Variants in ADCY9 observed in about 807,000 individuals in gnomAD.
ADCY9 encodes adenylate cyclase type 9.
Under a neutral mutation model 101.5 loss-of-function variants are expected in ADCY9, and 50 were observed. The observed-to-expected ratio is 0.49, with a 90% confidence interval of 0.39 to 0.62. The LOEUF (loss-of-function observed/expected upper bound fraction) is 0.62. Ranked by LOEUF, ADCY9 falls within the 20% of genes least tolerant of loss-of-function variation. The pLI is 0.00. For missense variants in ADCY9, 1,662 were observed against 1,800.4 expected, an observed-to-expected ratio of 0.92 and a Z score of 1.39; for synonymous variants, 905 against 769.3, an observed-to-expected ratio of 1.18 and a Z score of -2.92.
At chr16:4,011,683 T>A (rs966665371) in intron 2 of ADCY9, among the ~76,000 whole-genome samples, 1 of 152,066 alleles carries the variant, frequency 6.6e-6, no homozygotes, top group Non-Finnish European at 1.5e-5. Context: ...AGTTTCCTCA[T>A]CTCTAAGGGG....
intron 6 of ADCY9, among the ~76,000 whole-genome samples, chr16:3,987,443 G>A (rs550437994): frequency 1.3e-5 from 2 of 152,318 alleles, no homozygotes; most frequent in East Asian, 3.9e-4. Flanking sequence ...GTCCGACCCC[G>A]GCTATGGGAC....
rs888567429 is a variant in ADCY9 at position 3,965,307 on chromosome 16, C to T, written c.*468G>A. The T allele has an allele frequency of 1.1e-5, 2 of 178,306 alleles. No individual in the cohort carries two copies. Among genetic ancestry groups the T allele is most frequent in the Non-Finnish European group, 2.4e-5 (2 of 83,884 alleles). 11.0% of individuals were successfully genotyped at this position (178,306 alleles called of 1,614,324 possible). On this transcript the variant is annotated 3_prime_UTR_variant, in exon 11 of 11. Coordinates refer to ENST00000294016, the MANE Select transcript of ADCY9 (RefSeq NM_001116.4). ...GTGTGCTTACATAGAGAGGTCGGGT[C>T]GTAGAGGAACACTGTGACATAGACA...
intron 2 of ADCY9, among the ~76,000 whole-genome samples, chr16:4,052,593 T>A (rs1024630112): frequency 6.6e-6 from 1 of 152,130 alleles, no homozygotes; most frequent in African/African-American, 2.4e-5. Flanking sequence ...AATTAGAATA[T>A]AACGCCACCA....
intron 2 of ADCY9, among the ~76,000 whole-genome samples, chr16:4,082,239 C>T (rs2056907929): frequency 6.6e-6 from 1 of 151,948 alleles, no homozygotes; most frequent in African/African-American, 2.4e-5. Flanking sequence ...ATTAGCCAGG[C>T]ATGGTGGTAC....
At chr16:4,078,712 G>T (rs1260742660) in intron 2 of ADCY9, among the ~76,000 whole-genome samples, 1 of 151,926 alleles carries the variant, frequency 6.6e-6, no homozygotes, top group African/African-American at 2.4e-5. Flanking sequence ...CCAACATAAA[G>T]ATTTTAAATT....
intron 2 of ADCY9, among the ~76,000 whole-genome samples, chr16:4,057,038 G>GCCACCCCCCCC (rs2056743368): frequency 1.2e-5 from 1 of 83,514 alleles, no homozygotes; most frequent in African/African-American, 5.3e-5. Context: ...TGATGAAACC[G>GCCACCCCCCCC]CCCCCCCCCC....
intron 3 of ADCY9, among the ~76,000 whole-genome samples, chr16:4,006,189 G>C (rs993748224): frequency 2.0e-5 from 3 of 152,158 alleles, no homozygotes; most frequent in African/African-American, 7.2e-5. Flanking sequence ...AGTAGGGTAC[G>C]GGTGGGTATG....
At chr16:4,023,087 A>G (rs1004070934) in intron 2 of ADCY9, among the ~76,000 whole-genome samples, 2 of 152,246 alleles carry the variant, frequency 1.3e-5, no homozygotes, top group African/African-American at 4.8e-5. Flanking sequence ...AGAACAAAGT[A>G]CTGAAAGTGC....
intron 2 of ADCY9, among the ~76,000 whole-genome samples, chr16:4,109,390 G>A (rs1240162705): frequency 1.3e-5 from 2 of 152,282 alleles, no homozygotes; most frequent in East Asian, 3.9e-4. Context: ...AGCAGGAATT[G>A]TTGTCTGTTT....
intron 2 of ADCY9, among the ~76,000 whole-genome samples, chr16:4,065,148 CCT>C (rs1255510846): frequency 6.6e-6 from 1 of 152,100 alleles, no homozygotes; most frequent in Non-Finnish European, 1.5e-5. Context: ...GGAAAATGCC[CCT>C]CTCTCGTCAT....
intron 2 of ADCY9, among the ~76,000 whole-genome samples, chr16:4,077,415 A>C (rs1488719329): frequency 6.6e-6 from 1 of 152,188 alleles, no homozygotes; most frequent in African/African-American, 2.4e-5. Flanking sequence ...CCAATTTAGC[A>C]ACAATGAGCA....
At chr16:4,089,096 T>G (rs1224377891) in intron 2 of ADCY9, among the ~76,000 whole-genome samples, 1 of 138,744 alleles carries the variant, frequency 7.2e-6, no homozygotes, top group African/African-American at 2.8e-5. Flanking sequence ...TGGGTTTTTG[T>G]TTTGTTTTGT....
chr16:4,101,313 C>G (rs1216683350), intron 2 of ADCY9, among the ~76,000 whole-genome samples: 1 of 135,578 alleles, frequency 7.4e-6, no homozygotes, highest in Non-Finnish European at 1.5e-5. Flanking sequence ...CAGAGTCTTG[C>G]TCTGTCACCC....
In ADCY9 at chr16:4,077,122, C is replaced by T. The variant is rs150274228; in HGVS notation, c.1693+36628G>A. ...CAGCCTCCTTTCTGTACACGCTTTC[C>T]ACAGCTAGCATGCGGACTCACTGGA... is the stretch of plus-strand genomic sequence containing the variant. On this transcript the variant is annotated intron_variant, in intron 2 of 10. Transcript: ENST00000294016. Among the ~76,000 whole-genome samples the T allele has an allele frequency of 4.6e-5, 7 of 152,100 alleles. No individual in the cohort carries two copies. The East Asian group carries it at 1.4e-3, about 29-fold the overall frequency.
At chr16:3,967,371 T>C (rs2056008749) in intron 10 of ADCY9, among the ~76,000 whole-genome samples, 1 of 152,010 alleles carries the variant, frequency 6.6e-6, no homozygotes, top group Non-Finnish European at 1.5e-5. Flanking sequence ...AGTCTTTAGC[T>C]TCTTTCAAAA....
At chr16:4,045,825 A>G (rs1225368664) in intron 2 of ADCY9, among the ~76,000 whole-genome samples, 3 of 146,968 alleles carry the variant, frequency 2.0e-5, no homozygotes, top group Non-Finnish European at 4.5e-5. Context: ...CAGCCGCCCG[A>G]GTAGCTGGGA....
rs143447686 is a variant in ADCY9, at chr16:4,071,432, T to C, written c.1693+42318A>G. ...TTAAAAAGTCAAATCCAAAATTCCT[T>C]ATAAAGGTTCCTGCAAAGCCAACTT... is the stretch of plus-strand genomic sequence containing the variant. On this transcript the variant is annotated intron_variant, in intron 2 of 10. Coordinates refer to ENST00000294016, the MANE Select transcript of ADCY9 (RefSeq NM_001116.4). Among the ~76,000 whole-genome samples the C allele has an allele frequency of 3.4e-3, 515 of 151,146 alleles. 3 individuals are homozygous for C. The highest frequency in any genetic ancestry group is 0.012 in the African/African-American group (490 of 41,250).
At chr16:4,091,504 T>C (rs1256685925) in intron 2 of ADCY9, among the ~76,000 whole-genome samples, 1 of 152,160 alleles carries the variant, frequency 6.6e-6, no homozygotes, top group East Asian at 1.9e-4. Flanking sequence ...CAAAAACGTG[T>C]ACACGAGTGT....
At chr16:4,006,491 T>C (rs752623140) in intron 3 of ADCY9, among the ~76,000 whole-genome samples, 1 of 152,122 alleles carries the variant, frequency 6.6e-6, no homozygotes, top group Non-Finnish European at 1.5e-5. Flanking sequence ...TAAATACCAA[T>C]AGCGGCTTTC....
Sources: allele counts gnomAD v4.1 joint callset (sites outside exome capture counted in the v4.1 genomes callset), GRCh38; gene constraint gnomAD v4.1.1; transcripts MANE v1.5; gene names NCBI Gene and HGNC (gene_info 2026-07-23, HGNC 2026-07-21).